Variants in ACTR3B observed in about 807,000 individuals in gnomAD.
ACTR3B encodes actin related protein 3B.
ACTR3B carries 8 observed loss-of-function variants against 59.0 expected under a neutral mutation model. The ratio of observed to expected loss-of-function variants is 0.14; its 90% CI spans 0.08 to 0.24. The LOEUF is 0.24. Ranked by LOEUF, ACTR3B falls within the 10% of genes least tolerant of loss-of-function variation. The probability of loss-of-function intolerance (pLI) is 1.00; values close to 1 mark genes in which losing one functional copy is unlikely to be tolerated. For missense variants in ACTR3B, 245 were observed against 552.3 expected, an observed-to-expected ratio of 0.44 and a Z score of 5.58; for synonymous variants, 148 against 197.9, an observed-to-expected ratio of 0.75 and a Z score of 2.12.
In ACTR3B at chr7:152,775,153, T is replaced by C. The variant is rs185947977; in HGVS notation, c.45-8034T>C. Among the ~76,000 whole-genome samples, 8 of 126,000 alleles carry C rather than the reference T, an allele frequency of 6.3e-5. No individual in the cohort carries two copies. In the East Asian group the frequency reaches 2.0e-3, roughly 31 times the overall value. The allele number at this position is 126,000 out of a possible 152,430, so 82.7% of individuals were successfully genotyped here. On this transcript the variant is annotated intron_variant, in intron 1 of 11. Transcript: ENST00000256001. ...CTGCAATGAGCTATGATTGCACCAC[T>C]GCACTCCAGCCTGGGTGACAGAGTG...
intron 7 of ACTR3B, 42 bp from the exon 8 acceptor site, chr7:152,823,300 G>C: frequency 6.2e-7 from 1 of 1,603,698 alleles, no homozygotes. Flanking sequence ...GAGACACTGG[G>C]CAGTTGTTAA....
chr7:152,806,672 A>AAGTCTGCTACTTG (rs2098252993), intron 4 of ACTR3B, among the ~76,000 whole-genome samples: 1 of 152,116 alleles, frequency 6.6e-6, no homozygotes, highest in African/African-American at 2.4e-5. Flanking sequence ...GGCAGGAGGC[A>AAGTCTGCTACTTG]AGTCTACTAC....
At position 152,848,228 on chromosome 7, in the gene ACTR3B, AG is replaced by A. The variant is rs1176024759; in HGVS notation, c.952-3897del. Among the ~76,000 whole-genome samples the A allele has an allele frequency of 3.3e-5, 5 of 152,346 alleles. No individual in the cohort carries two copies. In the East Asian group the frequency reaches 9.7e-4, roughly 29 times the overall value. On this transcript the variant is annotated intron_variant, in intron 9 of 11. Coordinates refer to ENST00000256001, the MANE Select transcript of ACTR3B (RefSeq NM_020445.6). ...ATGAGCTCACCAAGTCTGGGGTGAC[AG>A]TCAGGGAACCTGGCCCTGTGGCCCC...
chr7:152,787,922 A>G (rs2098179903), intron 2 of ACTR3B, among the ~76,000 whole-genome samples: 1 of 151,404 alleles, frequency 6.6e-6, no homozygotes, highest in Non-Finnish European at 1.5e-5. Context: ...GATTATTATT[A>G]TTATTATTTT....
intron 2 of ACTR3B, chr7:152,786,553 G>GAAAAAAA (rs113248599): frequency 1.0e-5 from 1 of 96,870 alleles, no homozygotes. Flanking sequence ...GTTCCGTCTC[G>GAAAAAAA]AAAAAAAAAA....
intron 5 of ACTR3B, among the ~76,000 whole-genome samples, chr7:152,815,004 G>T (rs1304089002): frequency 1.3e-5 from 2 of 151,150 alleles, no homozygotes; most frequent in Non-Finnish European, 2.9e-5. Flanking sequence ...TCCGATTTTG[G>T]GCTCTTATGA....
At chr7:152,797,897 A>G (rs1170174300) in intron 2 of ACTR3B, among the ~76,000 whole-genome samples, 1 of 152,128 alleles carries the variant, frequency 6.6e-6, no homozygotes, top group African/African-American at 2.4e-5. Context: ...ATAGTATTCC[A>G]CTGTTTATAA....
At chr7:152,798,306 A>G (rs2098224301) in intron 2 of ACTR3B, among the ~76,000 whole-genome samples, 1 of 152,164 alleles carries the variant, frequency 6.6e-6, no homozygotes, top group Non-Finnish European at 1.5e-5. Context: ...GCATTTTTTC[A>G]TATACCTGTT....
At chr7:152,831,257 G>A (rs147484947) in intron 9 of ACTR3B, among the ~76,000 whole-genome samples, 3,177 of 152,364 alleles carry the variant, frequency 0.021, 102 homozygotes, top group African/African-American at 0.071. Flanking sequence ...TGGTGGAGAT[G>A]TGGATGGCGG....
intron 2 of ACTR3B, among the ~76,000 whole-genome samples, chr7:152,789,997 C>CTTTTTTTT (rs756068314): frequency 4.9e-4 from 50 of 102,718 alleles, no homozygotes; most frequent in East Asian, 1.1e-3. Context: ...TGTACTCTTT[C>CTTTTTTTT]TTTTTTTTTT....
intron 7 of ACTR3B, among the ~76,000 whole-genome samples, chr7:152,822,037 T>C (rs926019518): frequency 2.0e-5 from 3 of 152,230 alleles, no homozygotes; most frequent in Non-Finnish European, 4.4e-5. Context: ...TGACCAGGCC[T>C]GTGAGGAGAA....
chr7:152,814,352 A>G lies in ACTR3B; in HGVS notation c.337-198A>G, dbSNP rs954211178. On this transcript the variant is annotated intron_variant, in intron 4 of 11. Coordinates refer to ENST00000256001, the MANE Select transcript of ACTR3B (RefSeq NM_020445.6). ...TAATAAGAACAGAGGCCTTCAGAGA[A>G]GTATTTACTCTGACGTCTTAAAGCT... is the stretch of plus-strand genomic sequence containing the variant. The G allele has an allele frequency of 3.7e-5, 18 of 486,250 alleles. 1 individual carries two copies. The highest frequency in any genetic ancestry group is 2.4e-4 in the Admixed American group (5 of 20,982). 30.1% of individuals were successfully genotyped at this position (486,250 alleles called of 1,614,324 possible).
intron 9 of ACTR3B, among the ~76,000 whole-genome samples, chr7:152,849,363 G>T (rs1381461388): frequency 6.6e-6 from 1 of 152,198 alleles, no homozygotes; most frequent in Non-Finnish European, 1.5e-5. Flanking sequence ...CTTCACTGCT[G>T]CAGAGAGCCC....
At chr7:152,777,963 A>G (rs2116578476) in intron 1 of ACTR3B, among the ~76,000 whole-genome samples, 1 of 151,950 alleles carries the variant, frequency 6.6e-6, no homozygotes, top group East Asian at 1.9e-4. Context: ...AAAAAAAAAA[A>G]GAATTAAATT....
At position 152,852,306 on chromosome 7, in the gene ACTR3B, G is replaced by A. The variant is rs1798874550; in HGVS notation, c.1077+55G>A. On this transcript the variant is annotated intron_variant, in intron 10 of 11. Transcript: ENST00000256001. Reference sequence around the variant, plus strand: ...TGGGGCTATTGCCCCAGGCCTGACCGGGGCCCTCCTGACACAGAGCCGAAG... The same window carrying A: ...TGGGGCTATTGCCCCAGGCCTGACCAGGGCCCTCCTGACACAGAGCCGAAG... 1.4e-5 allele frequency: 22 copies of A among 1,544,436 alleles called. No individual in the cohort carries two copies. In the South Asian group the frequency reaches 2.0e-4, roughly 14 times the overall value.
chr7:152,765,523 C>T (rs1377757969), intron 1 of ACTR3B, among the ~76,000 whole-genome samples: 1 of 151,754 alleles, frequency 6.6e-6, no homozygotes, highest in Non-Finnish European at 1.5e-5. Flanking sequence ...GAGAACGGCC[C>T]AGTTCTCTCC....
intron 2 of ACTR3B, among the ~76,000 whole-genome samples, chr7:152,799,176 G>C (rs1051806343): frequency 2.0e-5 from 3 of 152,128 alleles, no homozygotes; most frequent in East Asian, 1.9e-4. Flanking sequence ...ATACATTAAG[G>C]ACAGTGAGAA....
intron 6 of ACTR3B, among the ~76,000 whole-genome samples, chr7:152,817,429 G>T (rs1173177493): frequency 6.6e-6 from 1 of 152,196 alleles, no homozygotes; most frequent in Non-Finnish European, 1.5e-5. Context: ...GTACATTTTG[G>T]CTTGCAGAAG....
At chr7:152,773,157 G>GT (rs2098128277) in intron 1 of ACTR3B, among the ~76,000 whole-genome samples, 1 of 140,772 alleles carries the variant, frequency 7.1e-6, no homozygotes, top group African/African-American at 2.6e-5. Flanking sequence ...TAAAACAAGA[G>GT]TAAGACTGTT....
Sources: gnomAD v4.1 joint callset for allele counts (sites outside exome capture counted in the v4.1 genomes callset) on GRCh38, gnomAD v4.1.1 for gene constraint, MANE v1.5 for transcripts, NCBI Gene and HGNC (gene_info 2026-07-23, HGNC 2026-07-21) for gene names.